The following SF3B3 variants were observed in gnomAD, a reference collection of about 807,000 sequenced individuals.
SF3B3 encodes the protein SAP 130.
Under a neutral mutation model 139.2 loss-of-function variants are expected in SF3B3, and 33 were observed. That is an observed-to-expected ratio of 0.24 (90% CI 0.18 to 0.32). SF3B3 has a LOEUF of 0.32. SF3B3 is among the 10% of genes least tolerant of loss of function. SF3B3 has a pLI of 1.00. For synonymous variants in SF3B3, 596 were observed against 563.6 expected, an observed-to-expected ratio of 1.06 and a Z score of -0.81; for missense variants, 818 against 1,509.4, an observed-to-expected ratio of 0.54 and a Z score of 7.59.
chr16:70,538,128 C>G, intron 6 of SF3B3, 195 bp from the exon 7 acceptor site: 1 of 723,954 alleles, frequency 1.4e-6, no homozygotes, highest in Non-Finnish European at 2.5e-6. Context: ...TTTTGGTTAC[C>G]CAGATTTTAT....
intron 22 of SF3B3, among the ~76,000 whole-genome samples, 186 bp from the exon 23 acceptor site, chr16:70,568,857 T>G (rs1022973156): frequency 1.3e-5 from 2 of 152,234 alleles, no homozygotes; most frequent in Non-Finnish European, 2.9e-5. Flanking sequence ...GTCGATTCTT[T>G]TGAGTTTCTT....
intron 1 of SF3B3, among the ~76,000 whole-genome samples, chr16:70,524,256 G>C (rs1004553138): frequency 3.3e-5 from 5 of 152,140 alleles, no homozygotes; most frequent in South Asian, 2.1e-4. Context: ...GGTACACCGA[G>C]GGGAAGATAG....
chr16:70,570,283 C>T, intron 24 of SF3B3, 134 bp downstream of exon 24: 2 of 787,800 alleles, frequency 2.5e-6, no homozygotes, highest in Non-Finnish European at 3.8e-6. Flanking sequence ...GACAGAAGTA[C>T]TTGGGGAGAT....
intron 24 of SF3B3, among the ~76,000 whole-genome samples, chr16:70,570,426 G>T (rs1375381323): frequency 6.9e-6 from 1 of 145,682 alleles, no homozygotes; most frequent in Non-Finnish European, 1.5e-5. Flanking sequence ...CACCTCCCAG[G>T]TTCACGCCAT....
At chr16:70,567,348 A>AG (rs1419310570) in intron 20 of SF3B3, 63 bp from the exon 21 acceptor site, 131 of 1,538,002 alleles carry the variant, frequency 8.5e-5, no homozygotes, top group Non-Finnish European at 1.1e-4. Context: ...TTCTGGGCAG[A>AG]GAGGTGAGGC....
chr16:70,531,423 G>A (rs2050120555), intron 4 of SF3B3, among the ~76,000 whole-genome samples: 2 of 152,108 alleles, frequency 1.3e-5, no homozygotes, highest in African/African-American at 4.8e-5. Flanking sequence ...GACTACAGGT[G>A]CTGCCACAAC....
At chr16:70,544,668 C>A in intron 10 of SF3B3, 135 bp downstream of exon 10, 1 of 614,388 alleles carries the variant, frequency 1.6e-6, no homozygotes, top group Non-Finnish European at 2.9e-6. Context: ...TCCCTGACTT[C>A]CCCGAAGTTT....
chr16:70,560,070 T>G (rs1268941458), intron 15 of SF3B3, among the ~76,000 whole-genome samples: 1 of 152,220 alleles, frequency 6.6e-6, no homozygotes, highest in Non-Finnish European at 1.5e-5. Flanking sequence ...TGGAACATTC[T>G]TGCCCCTGCC....
intron 9 of SF3B3, 139 bp downstream of exon 9, chr16:70,541,973 C>A (rs944124737): frequency 8.4e-6 from 6 of 715,340 alleles, no homozygotes; most frequent in Middle Eastern, 2.7e-4. Flanking sequence ...GCACAAAAAA[C>A]CATTAATAAG....
intron 3 of SF3B3, 152 bp from the exon 4 acceptor site, chr16:70,530,593 A>G: frequency 1.4e-6 from 1 of 706,688 alleles, no homozygotes; most frequent in Non-Finnish European, 2.3e-6. Flanking sequence ...TGCTATTCTG[A>G]TGATAGAAAA....
intron 17 of SF3B3, among the ~76,000 whole-genome samples, chr16:70,563,315 C>T (rs918502891): frequency 2.0e-5 from 3 of 152,214 alleles, no homozygotes; most frequent in Non-Finnish European, 4.4e-5. Flanking sequence ...AAAACTCCAT[C>T]ATTAGAGATC....
At chr16:70,545,760 A>G (rs1173856752) in intron 10 of SF3B3, among the ~76,000 whole-genome samples, 1 of 152,172 alleles carries the variant, frequency 6.6e-6, no homozygotes, top group African/African-American at 2.4e-5. Context: ...GGACTTAATA[A>G]TGGTACCTGC....
chr16:70,572,925 T>G lies in SF3B3; in HGVS notation c.*1112T>G, dbSNP rs868289111. Reference sequence around the variant, plus strand: ...CCAGGCTGTCCTTGCGCCTTGAACCTGGAGAAGTGAGCTCACTGTTCTCAA... The same window carrying G: ...CCAGGCTGTCCTTGCGCCTTGAACCGGGAGAAGTGAGCTCACTGTTCTCAA... On this transcript the variant is annotated 3_prime_UTR_variant, in exon 26 of 26. Transcript: ENST00000302516. The G allele has an allele frequency of 4.6e-5, 7 of 152,254 alleles. No individual in the cohort carries two copies. Among genetic ancestry groups the G allele is most frequent in the African/African-American group, 1.7e-4 (7 of 41,474 alleles). The allele number at this position is 152,254 out of a possible 1,614,324, so 9.4% of individuals were successfully genotyped here. A position where few individuals can be genotyped will look rare whatever the true frequency, so the allele number is the denominator to read the frequency against.
At chr16:70,534,323 A>C (rs1597707470) in intron 5 of SF3B3, among the ~76,000 whole-genome samples, 1 of 152,212 alleles carries the variant, frequency 6.6e-6, no homozygotes, top group Non-Finnish European at 1.5e-5. Flanking sequence ...CTGGGGTAGG[A>C]GTAGGGGTGG....
chr16:70,569,812 A>G, intron 23 of SF3B3, 194 bp from the exon 24 acceptor site: 2 of 573,576 alleles, frequency 3.5e-6, no homozygotes, highest in South Asian at 4.0e-5. Flanking sequence ...GGGTATGGGT[A>G]TACGAGACCT....
intron 6 of SF3B3, among the ~76,000 whole-genome samples, chr16:70,536,204 G>A (rs2050164452): frequency 1.3e-5 from 2 of 150,012 alleles, no homozygotes; most frequent in Admixed American, 1.3e-4. Context: ...GTCTTGCTCT[G>A]TTGCCCATGC....
chr16:70,523,921 G>T lies in SF3B3; in HGVS notation c.-78G>T, dbSNP rs1358733646. On this transcript the variant is annotated 5_prime_UTR_variant, in exon 1 of 26. Coordinates refer to ENST00000302516, the MANE Select transcript of SF3B3 (RefSeq NM_012426.5). ...GTTGGATATCCACACCATCCTTCTCGCTGCAGGGTAAAAAAACAGCCTGGA... is the reference window on the plus strand; with the variant it reads ...GTTGGATATCCACACCATCCTTCTCTCTGCAGGGTAAAAAAACAGCCTGGA... 7 of 448,298 alleles carry T rather than the reference G, an allele frequency of 1.6e-5. No individual in the cohort carries two copies. In the East Asian group the frequency reaches 2.0e-4, roughly 13 times the overall value. 27.8% of individuals were successfully genotyped at this position (448,298 alleles called of 1,614,324 possible).
At chr16:70,529,401 A>T in intron 3 of SF3B3, 3 of 558,412 alleles carry the variant, frequency 5.4e-6, no homozygotes, top group East Asian at 3.0e-5. Flanking sequence ...ACACCTTTCT[A>T]CTTCCCATCT....
intron 9 of SF3B3, among the ~76,000 whole-genome samples, chr16:70,542,460 C>T (rs1354030107): frequency 6.6e-6 from 1 of 152,124 alleles, no homozygotes; most frequent in African/African-American, 2.4e-5. Flanking sequence ...TGCTGGTGCT[C>T]AGTTGTGACA....
Sources: gnomAD v4.1 joint callset for allele counts (sites outside exome capture counted in the v4.1 genomes callset) on GRCh38, gnomAD v4.1.1 for gene constraint, MANE v1.5 for transcripts, NCBI Gene and HGNC (gene_info 2026-07-23, HGNC 2026-07-21) for gene names.